Variants in ZNF454 observed in about 807,000 individuals in gnomAD.
ZNF454 encodes zinc finger protein 454.
A neutral mutation model predicts 48.2 loss-of-function variants in ZNF454; 30 were observed. The observed-to-expected ratio is 0.62, with a 90% CI of 0.47 to 0.84. The LOEUF is 0.84. Among genes scored for constraint, ZNF454 ranks in the 40% least tolerant of loss-of-function variants. ZNF454 has a pLI of 0.00. For missense variants in ZNF454, 510 were observed against 623.1 expected, an observed-to-expected ratio of 0.82 and a Z score of 1.93; for synonymous variants, 204 against 211.4, an observed-to-expected ratio of 0.97 and a Z score of 0.30.
the ZNF454 span, among the ~76,000 whole-genome samples, chr5:178,973,822 G>C: frequency 1.5e-5 from 2 of 135,784 alleles, no homozygotes; most frequent in Non-Finnish European, 3.1e-5. Flanking sequence ...CAGCCTGGGC[G>C]ACAGAGCAAG....
the ZNF454 span, among the ~76,000 whole-genome samples, chr5:178,988,120 T>A: frequency 2.0e-5 from 3 of 152,154 alleles, no homozygotes; most frequent in Non-Finnish European, 2.9e-5. This position sits in a 1 kb window ranked among gnomAD's most constrained non-coding sequence, Gnocchi z 6.0. Context: ...ATACATTTTA[T>A]ATTATATGTA....
the ZNF454 span, chr5:178,985,799 A>G: frequency 3.9e-6 from 2 of 516,064 alleles, no homozygotes; most frequent in African/African-American, 3.9e-5. Context: ...TCTTACTCTG[A>G]CACCCAAGCT....
intron 4 of ZNF454, among the ~76,000 whole-genome samples, chr5:178,954,243 C>T (rs1026440659): frequency 6.6e-6 from 1 of 151,870 alleles, no homozygotes; most frequent in African/African-American, 2.4e-5. Flanking sequence ...GGCTGGAGTG[C>T]CAGGCTGGAC....
chr5:178,965,217 T>G lies in ZNF454; in HGVS notation c.813T>G (p.Pro271=), dbSNP rs776126083. 1 of 1,614,138 alleles carries G rather than the reference T, an allele frequency of 6.2e-7. No homozygotes were observed. The highest frequency in any genetic ancestry group is 1.1e-5 in the South Asian group (1 of 91,080). ...AGAAAATTCATACTGGAGAGAAGCC[T>G]TTTGAATGCAACTTATGTGGAAAAG... ...YHQKIHTGEK[P]FECNLCGKAF... Residue 271 remains proline (P), a synonymous_variant, in exon 5 of 5, where the codon CCT becomes CCG. Transcript: ENST00000519564. The surrounding 1 kb of genome is among the most constrained non-coding windows in gnomAD (Gnocchi z 5.2).
chr5:178,986,681 C>T, the ZNF454 span: 13 of 1,603,614 alleles, frequency 8.1e-6, no homozygotes, highest in South Asian at 4.4e-5. Context: ...TTCCGCTCCC[C>T]CGGCCCGCAG....
the ZNF454 span, among the ~76,000 whole-genome samples, chr5:178,972,467 C>T: frequency 3.4e-3 from 489 of 141,852 alleles, 4 homozygotes; most frequent in African/African-American, 0.011. Flanking sequence ...ATGGACAAGT[C>T]GGTGCTGCCT....
At chr5:178,960,296 T>C (rs1759956701) in intron 4 of ZNF454, among the ~76,000 whole-genome samples, 1 of 151,234 alleles carries the variant, frequency 6.6e-6, no homozygotes, top group Non-Finnish European at 1.5e-5. Context: ...TCGCTCTTGT[T>C]GCCCAGGCTG....
At chr5:178,975,818 A>G in the ZNF454 span, 1 of 330,830 alleles carries the variant, frequency 3.0e-6, no homozygotes, top group Non-Finnish European at 6.2e-6. Context: ...AACCTCTACA[A>G]TCAGCTGACT....
Position 178,964,825 on chromosome 5 carries a change from G to A in ZNF454, c.421G>A (p.Val141Ile), listed in dbSNP as rs763532667. 6.2e-7 allele frequency: 1 copy of A among 1,614,102 alleles called. No homozygotes were observed. Among genetic ancestry groups the A allele is most frequent in the Non-Finnish European group, 8.5e-7 (1 of 1,180,026 alleles). Residue 141 changes from valine to isoleucine, a missense_variant, in exon 5 of 5, where the codon GTA becomes ATA. Val to Ile is a conservative substitution (Grantham distance 29, BLOSUM62 3). Around this residue, in one of 3 missense-constraint regions of ZNF454, gnomAD observed 354 missense variants for 408.9 expected, o/e 0.87. Coordinates refer to ENST00000519564, the MANE Select transcript of ZNF454 (RefSeq NM_001178089.3). Reference protein sequence around the residue: ...GGQEISLQRVVLTHPNTPSQE... With the variant: ...GGQEISLQRVILTHPNTPSQE... Reference sequence around the variant, plus strand: ...CCAGGAGATCAGTTTGCAGCGAGTGGTACTCACTCACCCCAACACCCCATC... The same window carrying A: ...CCAGGAGATCAGTTTGCAGCGAGTGATACTCACTCACCCCAACACCCCATC...
At chr5:178,953,066 T>A (rs963961241) in intron 4 of ZNF454, among the ~76,000 whole-genome samples, 16 of 152,328 alleles carry the variant, frequency 1.1e-4, no homozygotes, top group Middle Eastern at 3.4e-3. Flanking sequence ...TTTAGCTGAT[T>A]ATTTGATATA....
At chr5:178,962,868 G>A (rs1760043430) in intron 4 of ZNF454, among the ~76,000 whole-genome samples, 1 of 151,730 alleles carries the variant, frequency 6.6e-6, no homozygotes, top group Non-Finnish European at 1.5e-5. Flanking sequence ...GTCCAGCCAA[G>A]GCCTGTAATA....
chr5:178,985,377 G>T, the ZNF454 span: 1 of 390,688 alleles, frequency 2.6e-6, no homozygotes, highest in Non-Finnish European at 5.0e-6. Flanking sequence ...TGTCACAGGA[G>T]GGGAGGGGCT....
chr5:178,985,096 T>C, the ZNF454 span, among the ~76,000 whole-genome samples: 1 of 152,158 alleles, frequency 6.6e-6, no homozygotes. Context: ...AATTCGATGC[T>C]CTTCCACAGT....
chr5:178,975,009 C>T, the ZNF454 span, among the ~76,000 whole-genome samples: 1 of 152,188 alleles, frequency 6.6e-6, no homozygotes, highest in Admixed American at 6.5e-5. Context: ...TATAACGACA[C>T]ATCAAAAGAT....
Position 178,965,552 on chromosome 5 carries a change from C to T in ZNF454, c.1148C>T (p.Pro383Leu). 1 of 1,613,990 alleles carries T rather than the reference C, an allele frequency of 6.2e-7. No individual in the cohort carries two copies. Among genetic ancestry groups the T allele is most frequent in the Non-Finnish European group, 8.5e-7 (1 of 1,179,998 alleles). ...EHQRIHTGEK[P>L]YKCNECGKAF... ...CAGAGAATTCATACTGGAGAGAAAC[C>T]TTATAAATGTAATGAATGTGGGAAA... Residue 383 changes from proline (P) to leucine (L), a missense_variant, in exon 5 of 5, where the codon CCT (proline) becomes CTT (leucine). By Grantham distance (98) the Pro-to-Leu change is moderately conservative. Coordinates refer to ENST00000519564, the MANE Select transcript of ZNF454 (RefSeq NM_001178089.3). The surrounding 1 kb of genome is among the most constrained non-coding windows in gnomAD (Gnocchi z 5.2).
At chr5:178,986,114 G>A in the ZNF454 span, 133 of 1,610,664 alleles carry the variant, frequency 8.3e-5, no homozygotes, top group South Asian at 1.4e-3. Context: ...TGGCCCTTGG[G>A]AGCCTACGGA....
At chr5:178,959,010 C>A (rs1198233795) in intron 4 of ZNF454, among the ~76,000 whole-genome samples, 1 of 107,192 alleles carries the variant, frequency 9.3e-6, no homozygotes, top group African/African-American at 3.3e-5. Context: ...TACCTGAATT[C>A]ATCAGAGGTC....
the ZNF454 span, chr5:178,981,662 TGTG>T: frequency 6.2e-7 from 1 of 1,612,858 alleles, no homozygotes; most frequent in Non-Finnish European, 8.5e-7. This position sits in a 1 kb window ranked among gnomAD's most constrained non-coding sequence, Gnocchi z 5.1. Flanking sequence ...CCCTGCTACT[TGTG>T]GGCCTCTGCA....
the ZNF454 span, chr5:178,983,252 C>T: frequency 3.8e-6 from 6 of 1,585,294 alleles, no homozygotes; most frequent in Admixed American, 8.3e-5. Context: ...TCAGACACAG[C>T]ACTTTCCAGG....
Sources: gnomAD v4.1 joint callset for allele counts (sites outside exome capture counted in the v4.1 genomes callset) on GRCh38, gnomAD v4.1.1 for gene constraint, gnomAD v4.1.1 regional missense constraint, Gnocchi (gnomAD v3.1) non-coding constraint, MANE v1.5 for transcripts, NCBI Gene and HGNC (gene_info 2026-07-23, HGNC 2026-07-21) for gene names.